CFAP54: variants seen among roughly 807,000 people sequenced by gnomAD.
CFAP54 encodes the protein cilia and flagella associated protein 54.
Under a neutral mutation model 370.4 loss-of-function variants are expected in CFAP54, and 290 were observed. That is an observed-to-expected ratio of 0.78 (90% CI 0.71 to 0.86). CFAP54 has a LOEUF of 0.86. CFAP54 is among the 40% of genes least tolerant of loss of function. CFAP54 has a pLI of 0.00. For synonymous variants in CFAP54, 1,206 were observed against 1,236.5 expected (o/e 0.98, Z 0.52); for missense variants, 3,399 against 3,528.7 (o/e 0.96, Z 0.93).
chr12:96,813,018 C>T (rs1254513257), intron 64 of CFAP54, among the ~76,000 whole-genome samples: 1 of 152,068 alleles, frequency 6.6e-6, no homozygotes, highest in Non-Finnish European at 1.5e-5. Context: ...AACTTAGGTA[C>T]AGGCTACAGA....
intron 46 of CFAP54, among the ~76,000 whole-genome samples, chr12:96,702,459 A>G (rs1957502514): frequency 6.6e-6 from 1 of 152,172 alleles, no homozygotes; most frequent in African/African-American, 2.4e-5. Flanking sequence ...CATTAGGGTC[A>G]CTCACATTTA....
chr12:96,649,324 C>CT (rs1207743062), intron 34 of CFAP54, among the ~76,000 whole-genome samples: 1 of 152,086 alleles, frequency 6.6e-6, no homozygotes, highest in Non-Finnish European at 1.5e-5. Flanking sequence ...CTGAGTTTTT[C>CT]TTTTTTTAAA....
intron 55 of CFAP54, 143 bp downstream of exon 55, chr12:96,744,289 G>T (rs1408851294): frequency 4.0e-6 from 3 of 742,676 alleles, no homozygotes; most frequent in Non-Finnish European, 6.5e-6. Flanking sequence ...AATAGTTTTT[G>T]ATCACTTATC....
At chr12:96,705,866 T>G (rs1227702392) in intron 47 of CFAP54, among the ~76,000 whole-genome samples, 2 of 152,200 alleles carry the variant, frequency 1.3e-5, no homozygotes, top group African/African-American at 4.8e-5. Flanking sequence ...AATCACTGTT[T>G]GCTGTAGAGA....
At chr12:96,761,463 A>G (rs957746592) in intron 58 of CFAP54, among the ~76,000 whole-genome samples, 2 of 152,124 alleles carry the variant, frequency 1.3e-5, no homozygotes, top group Non-Finnish European at 2.9e-5. Flanking sequence ...CTTTGGAGGC[A>G]CAAAGTTTTT....
chr12:96,530,529 A>G lies in CFAP54; in HGVS notation c.1357+3085A>G, dbSNP rs531403500. On this transcript the variant is annotated intron_variant, in intron 9 of 67. Coordinates refer to ENST00000524981, the MANE Select transcript of CFAP54 (RefSeq NM_001306084.2). ...TTTTTTTCACTTGTTACTGCTGAGT[A>G]TTATTTTATGGTATGGATACACCAC... Among the ~76,000 whole-genome samples the G allele has an allele frequency of 3.9e-5, 6 of 152,298 alleles. No homozygotes were observed. The South Asian group carries it at 1.0e-3, about 26-fold the overall frequency.
At chr12:96,781,727 A>T (rs1009144581) in intron 60 of CFAP54, among the ~76,000 whole-genome samples, 1 of 152,134 alleles carries the variant, frequency 6.6e-6, no homozygotes, top group African/African-American at 2.4e-5. Flanking sequence ...GGGAACTAAA[A>T]ATGGTGATAT....
intron 66 of CFAP54, among the ~76,000 whole-genome samples, chr12:96,843,677 G>T (rs1215087572): frequency 6.6e-6 from 1 of 152,206 alleles, no homozygotes. Context: ...GAAAAGAGGG[G>T]TAGAGGATTT....
chr12:96,508,389 G>T (rs539589448), intron 4 of CFAP54, among the ~76,000 whole-genome samples: 1 of 150,196 alleles, frequency 6.7e-6, no homozygotes, highest in Admixed American at 6.7e-5. Flanking sequence ...GGGTTCAAAC[G>T]ATTCTCCTGC....
chr12:96,572,335 G>T (rs998348596), intron 19 of CFAP54, among the ~76,000 whole-genome samples: 3 of 152,186 alleles, frequency 2.0e-5, no homozygotes, highest in Non-Finnish European at 4.4e-5. Flanking sequence ...GGTGACATTT[G>T]TGTGGATCTT....
At chr12:96,503,115 CTTCT>C (rs1411400184) in intron 2 of CFAP54, among the ~76,000 whole-genome samples, 35 of 137,348 alleles carry the variant, frequency 2.5e-4, no homozygotes, top group African/African-American at 4.4e-4. Flanking sequence ...TCCTTCCTTC[CTTCT>C]TTCTCGCTTT....
intron 5 of CFAP54, among the ~76,000 whole-genome samples, chr12:96,514,091 T>G (rs1376930198): frequency 6.6e-6 from 1 of 152,214 alleles, no homozygotes; most frequent in African/African-American, 2.4e-5. Context: ...GTTATTGGAA[T>G]GTAGGCCAAG....
chr12:96,594,549 G>A, intron 25 of CFAP54, 103 bp downstream of exon 25: 4 of 793,226 alleles, frequency 5.0e-6, no homozygotes, highest in South Asian at 3.5e-5. Flanking sequence ...AGGGCAAATA[G>A]GTCAGGAATC....
Position 96,739,953 on chromosome 12 carries a change from T to C in CFAP54, c.6966-3T>C. 6.9e-7 allele frequency: 1 copy of C among 1,454,478 alleles called. No individual in the cohort carries two copies. 90.1% of individuals were successfully genotyped at this position (1,454,478 alleles called of 1,614,324 possible). On this transcript the variant is annotated splice_polypyrimidine_tract_variant and splice_region_variant and intron_variant, in intron 50 of 67. Transcript: ENST00000524981. Reference sequence around the variant, plus strand: ...AACATTTAAAATATATTTTCTATTTTAGTGCTGCAATAGTATTTTCTACAC... The same window carrying C: ...AACATTTAAAATATATTTTCTATTTCAGTGCTGCAATAGTATTTTCTACAC...
At chr12:96,739,545 A>C (rs959253503) in intron 50 of CFAP54, among the ~76,000 whole-genome samples, 3 of 152,216 alleles carry the variant, frequency 2.0e-5, no homozygotes. Flanking sequence ...CTGGAGAATC[A>C]CATTCTGATG....
chr12:96,814,074 G>A (rs1223194301), intron 64 of CFAP54, among the ~76,000 whole-genome samples: 1 of 152,154 alleles, frequency 6.6e-6, no homozygotes, highest in East Asian at 1.9e-4. Context: ...GGAGCTAGAT[G>A]GGGCCATTTA....
rs547875545 is a variant in CFAP54 at position 96,600,017 on chromosome 12, T to G, written c.3639+1250T>G. On this transcript the variant is annotated intron_variant, in intron 26 of 67. Transcript: ENST00000524981. ...AGAAGTTCTTTAATTAGATTCCATTTTTCTATTTTGGCTTTTGTTGCCATT... is the reference window on the plus strand; with the variant it reads ...AGAAGTTCTTTAATTAGATTCCATTGTTCTATTTTGGCTTTTGTTGCCATT... Among the ~76,000 whole-genome samples the G allele has an allele frequency of 1.5e-3, 234 of 152,316 alleles. 1 individual carries two copies. The highest frequency in any genetic ancestry group is 5.4e-3 in the African/African-American group (223 of 41,560).
chr12:96,664,802 TATATATATATAG>T (rs1227387214), intron 39 of CFAP54, among the ~76,000 whole-genome samples: 576 of 39,936 alleles, frequency 0.014, 27 homozygotes, highest in African/African-American at 0.06. Flanking sequence ...TATATATATA[TATATATATATAG>T]ATATATATAT....
chr12:96,705,758 T>A (rs1326896297), intron 47 of CFAP54, among the ~76,000 whole-genome samples: 1 of 152,208 alleles, frequency 6.6e-6, no homozygotes, highest in Non-Finnish European at 1.5e-5. Flanking sequence ...TACTTTATGT[T>A]TTTTTGCATA....
Sources: gnomAD v4.1 joint callset for allele counts (sites outside exome capture counted in the v4.1 genomes callset) on GRCh38, gnomAD v4.1.1 for gene constraint, MANE v1.5 for transcripts, NCBI Gene and HGNC (gene_info 2026-07-23, HGNC 2026-07-21) for gene names.